The following ZNF534 variants were observed in gnomAD, a reference collection of about 807,000 sequenced individuals.
The protein encoded by ZNF534 is KRAB domain only 3.
Under a neutral mutation model 13.6 loss-of-function variants are expected in ZNF534, and 19 were observed. The observed-to-expected ratio is 1.40, with a 90% CI of 0.97 to 2.05. ZNF534 has a LOEUF of 2.05. Among genes scored for constraint, ZNF534 ranks in the 30% most tolerant of loss-of-function variants. The probability of loss-of-function intolerance (pLI) is 0.00; values close to 1 mark genes in which losing one functional copy is unlikely to be tolerated. For missense variants in ZNF534, 782 were observed against 796.3 expected (o/e 0.98, Z 0.22); for synonymous variants, 244 against 273.8 (o/e 0.89, Z 1.07).
chr19:52,451,459 C>A, exon 5 of ZNF534: 1 of 591,332 alleles, frequency 1.7e-6, no homozygotes, highest in South Asian at 2.0e-5. Context: ...GGACGCTGTC[C>A]AGCGTTGGCC....
At position 52,440,313 on chromosome 19, in the gene ZNF534, C is replaced by A. The variant is rs952079102; in HGVS notation, c.*867C>A. 1.3e-5 allele frequency among the ~76,000 whole-genome samples: 2 copies of A among 152,164 alleles called. No homozygotes were observed. The highest frequency in any genetic ancestry group is 4.8e-5 in the African/African-American group (2 of 41,432). On this transcript the variant is annotated 3_prime_UTR_variant, in exon 5 of 5. Coordinates refer to ENST00000433050, the MANE Select transcript of ZNF534 (RefSeq NM_001143938.3). ...GCAACGTATTCACTTAAAATACACA[C>A]CTTGTAAACTATCACAGAATCCATA...
rs2059166834 is a variant in ZNF534 at position 52,440,747 on chromosome 19, C to T, written c.*1301C>T. On this transcript the variant is annotated 3_prime_UTR_variant, in exon 5 of 5. Coordinates refer to ENST00000433050, the MANE Select transcript of ZNF534 (RefSeq NM_001143938.3). ...AGTGAGCCAAGAATGCGCTACTACA[C>T]TCCAGCCTGTGTGACAGTGAGATTC... 6.7e-6 allele frequency among the ~76,000 whole-genome samples: 1 copy of T among 149,756 alleles called. No homozygotes were observed. The highest frequency in any genetic ancestry group is 2.5e-5 in the African/African-American group (1 of 40,488).
chr19:52,442,394 G>A lies in ZNF534; in HGVS notation c.*2948G>A, dbSNP rs1203833587. On this transcript the variant is annotated 3_prime_UTR_variant, in exon 5 of 5. Transcript: ENST00000433050. ...TTCATGCTGCAGATAACTAACCAGA[G>A]CCCATCCCTTTGTTTCCCATAAGGA... 6.6e-6 allele frequency among the ~76,000 whole-genome samples: 1 copy of A among 152,146 alleles called. No individual in the cohort carries two copies. Among genetic ancestry groups the A allele is most frequent in the Non-Finnish European group, 1.5e-5 (1 of 68,026 alleles).
chr19:52,434,800 A>G (rs540478353), intron 3 of ZNF534, among the ~76,000 whole-genome samples: 1 of 151,910 alleles, frequency 6.6e-6, no homozygotes, highest in South Asian at 2.1e-4. Context: ...TTCATCATTG[A>G]TGGCACCAGG....
downstream of ZNF534, among the ~76,000 whole-genome samples, chr19:52,447,300 A>G (rs1282830731): frequency 2.0e-5 from 3 of 152,316 alleles, no homozygotes; most frequent in Admixed American, 2.0e-4. Flanking sequence ...TCCTATTATA[A>G]CTAATATATT....
At chr19:52,433,308 T>C (rs2059102134) in intron 2 of ZNF534, among the ~76,000 whole-genome samples, 1 of 150,394 alleles carries the variant, frequency 6.6e-6, no homozygotes, top group Non-Finnish European at 1.5e-5. Flanking sequence ...ACTACTTGTA[T>C]CTCAGGTAGA....
intron 3 of ZNF534, among the ~76,000 whole-genome samples, chr19:52,434,485 A>G (rs995643615): frequency 4.8e-4 from 57 of 117,574 alleles, no homozygotes; most frequent in Non-Finnish European, 9.4e-4. Context: ...AAAAAAAAAA[A>G]AGAAATGAAA....
At chr19:52,451,295 C>T (rs1335849113) in exon 5 of ZNF534, 4 of 1,092,646 alleles carry the variant, frequency 3.7e-6, no homozygotes, top group South Asian at 1.3e-5. Context: ...AATGACTCCC[C>T]TCTGCCCTCG....
chr19:52,446,645 C>T (rs895682898), downstream of ZNF534, among the ~76,000 whole-genome samples: 2 of 152,114 alleles, frequency 1.3e-5, no homozygotes, highest in African/African-American at 4.8e-5. Flanking sequence ...ATCATTTGAG[C>T]TCAGGCCTTC....
At chr19:52,434,106 C>CCTGCATCTGCT (rs748425887) in intron 3 of ZNF534, 25 bp downstream of exon 3, 47 of 1,608,398 alleles carry the variant, frequency 2.9e-5, no homozygotes, top group Non-Finnish European at 2.7e-5. Flanking sequence ...CGTCCAGAAG[C>CCTGCATCTGCT]CTGCATCTGC....
At chr19:52,435,939 C>CTT (rs869289648) in intron 4 of ZNF534, among the ~76,000 whole-genome samples, 29 of 24,174 alleles carry the variant, frequency 1.2e-3, no homozygotes, top group African/African-American at 2.8e-3. Flanking sequence ...TCTTCTTCTT[C>CTT]TTTTTTTTTT....
At chr19:52,429,636 C>T (rs1286498448) in intron 1 of ZNF534, among the ~76,000 whole-genome samples, 1 of 149,422 alleles carries the variant, frequency 6.7e-6, no homozygotes, top group Non-Finnish European at 1.5e-5. Context: ...GCTCTTGTTG[C>T]CCAGGCTGGA....
At chr19:52,431,856 CTTT>C (rs113745068) in intron 2 of ZNF534, among the ~76,000 whole-genome samples, 22,059 of 140,066 alleles carry the variant, frequency 0.16, 2,242 homozygotes, top group African/African-American at 0.3. Flanking sequence ...TGTGGAATTC[CTTT>C]TTTTTTTTTT....
At chr19:52,436,440 C>T (rs2446078) in intron 4 of ZNF534, among the ~76,000 whole-genome samples, 142,470 of 152,214 alleles carry the variant, frequency 0.94, 66,913 homozygotes, top group Non-Finnish European at 0.96. Flanking sequence ...TGTCTTTGGG[C>T]TAATTTTAGT....
In ZNF534 at chr19:52,439,888, G is replaced by A. The variant is rs2059161045; in HGVS notation, c.*442G>A. Among the ~76,000 whole-genome samples, 3 of 151,806 alleles carry A rather than the reference G, an allele frequency of 2.0e-5. No individual in the cohort carries two copies. The highest frequency in any genetic ancestry group is 2.0e-4 in the Admixed American group (3 of 15,228). ...GTTCGAGACCAGCCTGACCAACATG[G>A]AGAAACCCCATCTCTACTAAAAATA... On this transcript the variant is annotated 3_prime_UTR_variant, in exon 5 of 5. Transcript: ENST00000433050.
At chr19:52,450,049 AGT>A (rs2059207816) in intron 4 of ZNF534, among the ~76,000 whole-genome samples, 2 of 152,102 alleles carry the variant, frequency 1.3e-5, no homozygotes, top group Non-Finnish European at 2.9e-5. Flanking sequence ...GTGATGTTTG[AGT>A]TTCTTATATA....
At position 52,439,331 on chromosome 19, in the gene ZNF534, A is replaced by C. The variant is rs1352803580; in HGVS notation, c.1871A>C (p.His624Pro). 6.4e-7 allele frequency: 1 copy of C among 1,554,000 alleles called. No homozygotes were observed. Among genetic ancestry groups the C allele is most frequent in the African/African-American group, 1.4e-5 (1 of 73,064 alleles). The stretch of plus-strand genomic sequence containing the variant: ...AGTCGGAATTCACGCCTTGCACAAC[A>C]TAGGAATATTCATACTGGAGTGAAG... Reference protein sequence around the residue: ...VFSRNSRLAQHRNIHTGVKPY... With the variant: ...VFSRNSRLAQPRNIHTGVKPY... The change falls in exon 5 of 5, where the codon CAT (histidine) becomes CCT (proline). Residue 624 changes from histidine (H) to proline (P), a missense_variant. By Grantham distance (77) the His-to-Pro change is moderately conservative. Transcript: ENST00000433050.
At chr19:52,447,882 C>CT (rs71180464) in intron 4 of ZNF534, among the ~76,000 whole-genome samples, 27 of 146,134 alleles carry the variant, frequency 1.8e-4, no homozygotes, top group Admixed American at 1.2e-3. Flanking sequence ...AGTTTTTAGA[C>CT]TTTTTTTTTT....
downstream of ZNF534, among the ~76,000 whole-genome samples, chr19:52,443,264 T>G (rs1215660235): frequency 6.6e-6 from 1 of 152,192 alleles, no homozygotes; most frequent in Non-Finnish European, 1.5e-5. Flanking sequence ...GAATTTCTCA[T>G]GTATTCTTTG....
Sources: allele counts gnomAD v4.1 joint callset (sites outside exome capture counted in the v4.1 genomes callset), GRCh38; gene constraint gnomAD v4.1.1; transcripts MANE v1.5; gene names NCBI Gene and HGNC (gene_info 2026-07-23, HGNC 2026-07-21).